STPG2: variants seen among roughly 807,000 people sequenced by gnomAD.
STPG2 encodes sperm tail PG-rich repeat containing 2.
Under a neutral mutation model 54.2 loss-of-function variants are expected in STPG2, and 56 were observed. The ratio of observed to expected loss-of-function variants is 1.03; its 90% CI spans 0.83 to 1.29. The LOEUF (loss-of-function observed/expected upper bound fraction) is 1.29, where lower values mean the gene tolerates loss of function less well. Among genes scored for constraint, STPG2 ranks in the 50% most tolerant of loss-of-function variants. The pLI is 0.00. For missense variants in STPG2, 596 were observed against 544.9 expected (o/e 1.09, Z -0.93); for synonymous variants, 200 against 181.8 (o/e 1.10, Z -0.81).
intron 10 of STPG2, among the ~76,000 whole-genome samples, chr4:97,710,469 C>A (rs1724078502): frequency 3.3e-5 from 5 of 151,986 alleles, no homozygotes; most frequent in Admixed American, 3.3e-4. Context: ...AGTTGGGGAT[C>A]CTTTGTGGAC....
intron 8 of STPG2, among the ~76,000 whole-genome samples, chr4:97,914,182 T>A (rs1053538994): frequency 2.0e-5 from 3 of 152,320 alleles, no homozygotes; most frequent in Middle Eastern, 3.4e-3. Context: ...AATCTTTGTC[T>A]GAAAGTAAAT....
intron 10 of STPG2, among the ~76,000 whole-genome samples, chr4:97,604,667 A>T (rs1733549580): frequency 6.6e-6 from 1 of 151,776 alleles, no homozygotes; most frequent in South Asian, 2.1e-4. Flanking sequence ...TTTTCTAGAA[A>T]ATTCAAAGAA....
chr4:97,530,127 A>G (rs1731381885), intron 4 of STPG2, among the ~76,000 whole-genome samples: 1 of 152,170 alleles, frequency 6.6e-6, no homozygotes, highest in Admixed American at 6.6e-5. Flanking sequence ...TTCCAATGTG[A>G]TATTTCTGGT....
chr4:97,763,051 G>C (rs1725937125), intron 9 of STPG2, among the ~76,000 whole-genome samples: 1 of 152,012 alleles, frequency 6.6e-6, no homozygotes, highest in Admixed American at 6.6e-5. Flanking sequence ...ATTAAAAGAA[G>C]ACAAATTTGT....
intron 9 of STPG2, among the ~76,000 whole-genome samples, chr4:97,741,983 G>A (rs1279192110): frequency 6.6e-6 from 1 of 152,082 alleles, no homozygotes; most frequent in Non-Finnish European, 1.5e-5. Context: ...AACAATGATA[G>A]ACTGGATTAA....
At chr4:97,557,420 T>C (rs1347875708), downstream of STPG2, among the ~76,000 whole-genome samples, 1 of 152,168 alleles carries the variant, frequency 6.6e-6, no homozygotes, top group African/African-American at 2.4e-5. Context: ...ATGTATAGTA[T>C]CTATCATTTC....
rs937425850 is a variant in STPG2 at position 97,908,273 on chromosome 4, A to T, written c.1044+35624T>A. On this transcript the variant is annotated intron_variant, in intron 8 of 10. Transcript: ENST00000295268. ...AAAAACACATGAAAAAATGCTCACCATCACTGGCCATCAGAGAAATGCAAA... is the reference window on the plus strand; with the variant it reads ...AAAAACACATGAAAAAATGCTCACCTTCACTGGCCATCAGAGAAATGCAAA... Among the ~76,000 whole-genome samples the T allele has an allele frequency of 7.9e-5, 12 of 152,124 alleles. No individual in the cohort carries two copies. The South Asian group carries it at 1.2e-3, about 16-fold the overall frequency.
At chr4:97,603,698 T>G (rs752168921) in intron 10 of STPG2, among the ~76,000 whole-genome samples, 7 of 151,744 alleles carry the variant, frequency 4.6e-5, no homozygotes, top group Non-Finnish European at 8.9e-5. Flanking sequence ...TGGATGAACC[T>G]TGAGGGTCTC....
chr4:97,853,003 G>T (rs940948383), intron 8 of STPG2, among the ~76,000 whole-genome samples: 1 of 103,680 alleles, frequency 9.6e-6, no homozygotes, highest in Non-Finnish European at 1.7e-5. Flanking sequence ...TTGAGACAGA[G>T]TCTCACTCTG....
At chr4:97,542,566 T>C (rs1731739047) in intron 4 of STPG2, among the ~76,000 whole-genome samples, 1 of 152,170 alleles carries the variant, frequency 6.6e-6, no homozygotes, top group Non-Finnish European at 1.5e-5. Flanking sequence ...GTGTGGCGAT[T>C]CCTCAGGGAT....
intron 10 of STPG2, among the ~76,000 whole-genome samples, chr4:97,644,657 A>G (rs1459952797): frequency 6.6e-6 from 1 of 151,996 alleles, no homozygotes; most frequent in African/African-American, 2.4e-5. Flanking sequence ...GGAACCCGAA[A>G]CATAACATGA....
chr4:97,932,974 A>T (rs1343399086), intron 8 of STPG2, among the ~76,000 whole-genome samples: 2 of 152,218 alleles, frequency 1.3e-5, no homozygotes, highest in Non-Finnish European at 2.9e-5. Flanking sequence ...ACTAATTTAT[A>T]TTCCCACCAA....
At chr4:97,753,818 T>C (rs573704760) in intron 9 of STPG2, among the ~76,000 whole-genome samples, 2 of 152,158 alleles carry the variant, frequency 1.3e-5, no homozygotes, top group East Asian at 1.9e-4. Context: ...TTTGAAGAAA[T>C]ATCTATTTAT....
intron 9 of STPG2, among the ~76,000 whole-genome samples, chr4:97,789,504 C>A (rs1459753194): frequency 6.6e-6 from 1 of 151,932 alleles, no homozygotes; most frequent in Non-Finnish European, 1.5e-5. Flanking sequence ...AATCAATTTA[C>A]AATTGTTATA....
chr4:97,446,524 G>A (rs1729226167), intron 4 of STPG2, among the ~76,000 whole-genome samples: 1 of 152,312 alleles, frequency 6.6e-6, no homozygotes, highest in East Asian at 1.9e-4. Context: ...TATACTCACT[G>A]ATATGGTTTG....
At chr4:97,932,943 A>G (rs1732606542) in intron 8 of STPG2, among the ~76,000 whole-genome samples, 1 of 152,322 alleles carries the variant, frequency 6.6e-6, no homozygotes, top group South Asian at 2.1e-4. Context: ...GAATCGCCAC[A>G]CTGTCTTCCA....
intron 8 of STPG2, among the ~76,000 whole-genome samples, chr4:97,893,590 C>T (rs1314007915): frequency 6.6e-6 from 1 of 151,960 alleles, no homozygotes; most frequent in Non-Finnish European, 1.5e-5. Context: ...GAAAAATCAT[C>T]CCCTCAATTT....
At chr4:97,654,013 C>T (rs890124405) in intron 10 of STPG2, among the ~76,000 whole-genome samples, 3 of 152,310 alleles carry the variant, frequency 2.0e-5, no homozygotes, top group Middle Eastern at 6.8e-3. Context: ...CAACTCCTGC[C>T]TGCCATTGCT....
rs143641449 is a variant in STPG2, at chr4:98,081,498, C to T, written c.612+24455G>A. On this transcript the variant is annotated intron_variant, in intron 5 of 10. Coordinates refer to ENST00000295268, the MANE Select transcript of STPG2 (RefSeq NM_174952.3). The stretch of plus-strand genomic sequence containing the variant: ...ATTTTAAAAAAAACTGATGGGAGAC[C>T]ATTATTTGGAGAATCCCAGAATAAG... Among the ~76,000 whole-genome samples the T allele has an allele frequency of 3.0e-3, 463 of 152,108 alleles. 12 individuals are homozygous for T. The highest frequency in any genetic ancestry group is 0.025 in the Admixed American group (388 of 15,276).
Sources: gnomAD v4.1 joint callset for allele counts (sites outside exome capture counted in the v4.1 genomes callset) on GRCh38, gnomAD v4.1.1 for gene constraint, MANE v1.5 for transcripts, NCBI Gene and HGNC (gene_info 2026-07-23, HGNC 2026-07-21) for gene names.